Variants in MDGA2 observed in about 807,000 individuals in gnomAD.
MDGA2 encodes MAM domain containing glycosylphosphatidylinositol anchor 2.
Under a neutral mutation model 117.8 loss-of-function variants are expected in MDGA2, and 40 were observed. The ratio of observed to expected loss-of-function variants is 0.34; its 90% CI spans 0.26 to 0.44. The LOEUF (loss-of-function observed/expected upper bound fraction) is 0.44, where lower values mean the gene tolerates loss of function less well. MDGA2 is among the 20% of genes least tolerant of loss of function. The pLI is 1.00. For synonymous variants in MDGA2, 452 were observed against 439.0 expected (o/e 1.03, Z -0.37); for missense variants, 1,123 against 1,250.6 (o/e 0.90, Z 1.54).
At chr14:47,124,310 A>G (rs1400609904) in intron 5 of MDGA2, among the ~76,000 whole-genome samples, 1 of 152,104 alleles carries the variant, frequency 6.6e-6, no homozygotes, top group Non-Finnish European at 1.5e-5. Flanking sequence ...TCCATGATGT[A>G]TAACAGGAGT....
intron 1 of MDGA2, among the ~76,000 whole-genome samples, chr14:47,567,666 G>A (rs1400441740): frequency 1.3e-5 from 2 of 152,170 alleles, no homozygotes; most frequent in African/African-American, 2.4e-5. Flanking sequence ...GCTTGACCCA[G>A]AAAATGCCTA....
intron 1 of MDGA2, among the ~76,000 whole-genome samples, chr14:47,393,707 AT>A (rs1891946693): frequency 6.6e-6 from 1 of 152,154 alleles, no homozygotes; most frequent in African/African-American, 2.4e-5. Flanking sequence ...TGAAATCTGA[AT>A]GTGATATTGA....
At chr14:47,116,337 C>T (rs1296864022) in intron 5 of MDGA2, among the ~76,000 whole-genome samples, 2 of 151,848 alleles carry the variant, frequency 1.3e-5, no homozygotes, top group Non-Finnish European at 2.9e-5. Flanking sequence ...TCCATACTGC[C>T]CAAAGTGACC....
At chr14:47,420,092 T>C (rs1892548950) in intron 1 of MDGA2, among the ~76,000 whole-genome samples, 1 of 152,148 alleles carries the variant, frequency 6.6e-6, no homozygotes, top group Non-Finnish European at 1.5e-5. Flanking sequence ...ATATGCACAA[T>C]ACATGCATGC....
intron 9 of MDGA2, among the ~76,000 whole-genome samples, chr14:46,929,649 A>ATTTTTTTTTTTTTTTTTTTT (rs1180832509): frequency 7.3e-5 from 1 of 13,704 alleles, no homozygotes; most frequent in African/African-American, 3.1e-4. Flanking sequence ...ATATATATAC[A>ATTTTTTTTTTTTTTTTTTTT]TTTTTTTTTT....
At chr14:46,894,822 G>A (rs61991421) in intron 10 of MDGA2, among the ~76,000 whole-genome samples, 31,720 of 151,994 alleles carry the variant, frequency 0.21, 3,759 homozygotes, top group South Asian at 0.39. Context: ...TCATTCTTTA[G>A]CAGCTTCTGA....
At chr14:47,353,413 C>A (rs1291733530) in intron 1 of MDGA2, among the ~76,000 whole-genome samples, 2 of 152,138 alleles carry the variant, frequency 1.3e-5, no homozygotes, top group Non-Finnish European at 2.9e-5. Context: ...TGATCATTTC[C>A]TTGACTACCT....
At chr14:47,500,511 T>A (rs962943202) in intron 1 of MDGA2, among the ~76,000 whole-genome samples, 3 of 152,042 alleles carry the variant, frequency 2.0e-5, no homozygotes, top group African/African-American at 7.2e-5. Flanking sequence ...AAATACTAAT[T>A]CTCACTTGAA....
At chr14:47,588,122 G>A (rs1896360771) in intron 1 of MDGA2, among the ~76,000 whole-genome samples, 1 of 150,818 alleles carries the variant, frequency 6.6e-6, no homozygotes. Context: ...TCTACTTATA[G>A]GTGGATGAAC....
At chr14:47,286,185 T>C (rs545234028) in intron 2 of MDGA2, among the ~76,000 whole-genome samples, 8 of 152,272 alleles carry the variant, frequency 5.3e-5, no homozygotes, top group Middle Eastern at 6.8e-3. Flanking sequence ...AGCTGAGTAA[T>C]TGGAAGTAAC....
chr14:47,226,730 G>A lies in MDGA2; in HGVS notation c.421-8535C>T, dbSNP rs141628160. ...CGCACTGCCAAGACATTACTCTTGG[G>A]CCCCAAAACCACCATTATCAGAATT... On this transcript the variant is annotated intron_variant, in intron 2 of 16. Transcript: ENST00000399232. Among the ~76,000 whole-genome samples, 886 of 152,152 alleles carry A rather than the reference G, an allele frequency of 5.8e-3. 5 individuals carry two copies. Among genetic ancestry groups the A allele is most frequent in the Non-Finnish European group, 9.5e-3 (646 of 67,998 alleles).
chr14:47,511,927 G>A (rs1265766456), intron 1 of MDGA2, among the ~76,000 whole-genome samples: 1 of 152,050 alleles, frequency 6.6e-6, no homozygotes, highest in South Asian at 2.1e-4. Context: ...AGAAACAGGG[G>A]TTTGTGTGTG....
At chr14:47,415,204 A>G (rs1009117849) in intron 1 of MDGA2, among the ~76,000 whole-genome samples, 1 of 152,162 alleles carries the variant, frequency 6.6e-6, no homozygotes, top group Non-Finnish European at 1.5e-5. Context: ...CATATAAAGA[A>G]GAAACATGGA....
chr14:46,871,499 C>T (rs944279906), intron 14 of MDGA2: 1 of 151,946 alleles, frequency 6.6e-6, no homozygotes, highest in Non-Finnish European at 1.5e-5. Context: ...TTTTAATAAG[C>T]ACAAATGTTG....
intron 6 of MDGA2, among the ~76,000 whole-genome samples, chr14:47,085,906 T>C (rs1369385027): frequency 6.6e-6 from 1 of 151,988 alleles, no homozygotes; most frequent in Non-Finnish European, 1.5e-5. Flanking sequence ...TTAAAACAAT[T>C]AAAGAGAAAG....
chr14:46,902,930 T>C (rs940038928), intron 10 of MDGA2, among the ~76,000 whole-genome samples: 19 of 152,128 alleles, frequency 1.2e-4, no homozygotes, highest in African/African-American at 3.6e-4. Context: ...AACCTAATGA[T>C]AGATGCAGGA....
At chr14:47,524,001 G>C (rs961742137) in intron 1 of MDGA2, among the ~76,000 whole-genome samples, 1 of 152,168 alleles carries the variant, frequency 6.6e-6, no homozygotes, top group African/African-American at 2.4e-5. Context: ...ATCAAGGACA[G>C]ATAGAACACA....
At chr14:47,543,190 A>G (rs1309177210) in intron 1 of MDGA2, among the ~76,000 whole-genome samples, 2 of 152,168 alleles carry the variant, frequency 1.3e-5, no homozygotes, top group African/African-American at 2.4e-5. Flanking sequence ...AGCCTAGGTA[A>G]CACAGTAAGA....
intron 8 of MDGA2, among the ~76,000 whole-genome samples, chr14:47,003,113 A>T (rs904260439): frequency 1.3e-5 from 2 of 152,140 alleles, no homozygotes; most frequent in African/African-American, 4.8e-5. Flanking sequence ...GTACTTTTCT[A>T]AAAAAAGCTG....
Sources: allele counts gnomAD v4.1 joint callset (sites outside exome capture counted in the v4.1 genomes callset), GRCh38; gene constraint gnomAD v4.1.1; transcripts MANE v1.5; gene names NCBI Gene and HGNC (gene_info 2026-07-23, HGNC 2026-07-21).